PGD: variants seen among roughly 807,000 people sequenced by gnomAD.
PGD encodes phosphogluconate dehydrogenase.
In PGD, 21 loss-of-function variants were observed where a neutral mutation model predicts 60.4. That is an observed-to-expected ratio of 0.35 (90% CI 0.25 to 0.50). The LOEUF (loss-of-function observed/expected upper bound fraction) is 0.50, where lower values mean the gene tolerates loss of function less well. Ranked by LOEUF, PGD falls within the 20% of genes least tolerant of loss-of-function variation. The probability of loss-of-function intolerance (pLI) is 0.98; values close to 1 mark genes in which losing one functional copy is unlikely to be tolerated. For synonymous variants in PGD, 230 were observed against 235.9 expected (o/e 0.97, Z 0.23); for missense variants, 477 against 613.1 (o/e 0.78, Z 2.34).
At position 10,419,620 on chromosome 1, in the gene PGD, C is replaced by T. The variant is rs766737915; in HGVS notation, c.1333-10C>T. On this transcript the variant is annotated splice_polypyrimidine_tract_variant and intron_variant, in intron 12 of 12. Transcript: ENST00000270776. Reference sequence around the variant, plus strand: ...GACTGTCCTGACCAACCTACTCTCTCGTTTCCTAGGCTCAGCGGGATTACT... The same window carrying T: ...GACTGTCCTGACCAACCTACTCTCTTGTTTCCTAGGCTCAGCGGGATTACT... 1.1e-5 allele frequency: 17 copies of T among 1,614,018 alleles called. No homozygotes were observed. The South Asian group carries it at 1.9e-4, about 18-fold the overall frequency.
chr1:10,402,802 C>T (rs565959479), intron 3 of PGD, among the ~76,000 whole-genome samples: 64 of 151,956 alleles, frequency 4.2e-4, no homozygotes, highest in Non-Finnish European at 6.0e-4. Flanking sequence ...GGATAACAGG[C>T]GTGAGCCACC....
intron 6 of PGD, among the ~76,000 whole-genome samples, chr1:10,409,660 T>TTTTTTC (rs1236439170): frequency 2.1e-5 from 3 of 141,402 alleles, no homozygotes; most frequent in African/African-American, 8.0e-5. Context: ...TTTTTTTTTT[T>TTTTTTC]TTTTTTTTTT....
chr1:10,406,956 A>G (rs1051898510), intron 5 of PGD, among the ~76,000 whole-genome samples: 1 of 152,214 alleles, frequency 6.6e-6, no homozygotes, highest in Non-Finnish European at 1.5e-5. Flanking sequence ...TTAAAAGAGG[A>G]TCTCTAAAGG....
At chr1:10,412,796 CAG>C in intron 7 of PGD, 2 of 392,314 alleles carry the variant, frequency 5.1e-6, no homozygotes. Flanking sequence ...CGACACTGCA[CAG>C]AGACCTAAGT....
intron 7 of PGD, 90 bp downstream of exon 7, chr1:10,411,642 T>TGGCCATTC: frequency 6.6e-7 from 1 of 1,508,706 alleles, no homozygotes; most frequent in Non-Finnish European, 9.1e-7. Flanking sequence ...CCTATCCCCT[T>TGGCCATTC]GGCCATTCGG....
rs1639641251 is a variant in PGD, at chr1:10,418,866, C to A, written c.1150C>A (p.Pro384Thr). 1 of 1,612,182 alleles carries A rather than the reference C, an allele frequency of 6.2e-7. No individual in the cohort carries two copies. Among genetic ancestry groups the A allele is most frequent in the Admixed American group, 1.7e-5 (1 of 59,990 alleles). ...GKIKDAFDRN[P>T]ELQNLLLDDF... ...GATAAAGGATGCATTTGATCGAAACCCGGAACTTCAGAACCTCCTACTGGA... is the reference window on the plus strand; with the variant it reads ...GATAAAGGATGCATTTGATCGAAACACGGAACTTCAGAACCTCCTACTGGA... Residue 384 changes from proline to threonine, a missense_variant, in exon 11 of 13, where the codon CCG becomes ACG. Physicochemically the swap from Pro to Thr is conservative, Grantham distance 38. Transcript: ENST00000270776.
intron 6 of PGD, 145 bp downstream of exon 6, chr1:10,408,285 G>A (rs914471037): frequency 9.2e-6 from 6 of 655,184 alleles, no homozygotes; most frequent in Admixed American, 2.4e-5. Context: ...AATAGCCAAC[G>A]CCTAGAATGC....
chr1:10,412,215 A>G (rs1639511541), intron 7 of PGD, among the ~76,000 whole-genome samples: 1 of 152,218 alleles, frequency 6.6e-6, no homozygotes, highest in African/African-American at 2.4e-5. Flanking sequence ...TTAACTGAAA[A>G]CATAGGAAAG....
Position 10,417,131 on chromosome 1 carries a change from C to G in PGD, c.975+14C>G, listed in dbSNP as rs1452564147. 3 of 1,613,490 alleles carry G rather than the reference C, an allele frequency of 1.9e-6. No individual in the cohort carries two copies. The highest frequency in any genetic ancestry group is 2.7e-5 in the African/African-American group (2 of 74,878). ...GACATTCGGAAGGTGGGACACAGTC[C>G]CTGGCAGTGGTCTTTGTTGGTCCTG... is the stretch of plus-strand genomic sequence containing the variant. On this transcript the variant is annotated intron_variant, in intron 9 of 12. Coordinates refer to ENST00000270776, the MANE Select transcript of PGD (RefSeq NM_002631.4).
intron 5 of PGD, among the ~76,000 whole-genome samples, chr1:10,407,672 G>A (rs1449481540): frequency 6.6e-6 from 1 of 152,114 alleles, no homozygotes; most frequent in Non-Finnish European, 1.5e-5. Context: ...GCCCAGTGCG[G>A]TGGTGGCTTA....
intron 10 of PGD, among the ~76,000 whole-genome samples, chr1:10,417,859 G>A (rs1442365698): frequency 3.9e-5 from 6 of 152,102 alleles, no homozygotes; most frequent in African/African-American, 1.2e-4. Flanking sequence ...ACAAGGGCAC[G>A]CCACCATGTC....
intron 6 of PGD, 39 bp downstream of exon 6, chr1:10,408,179 T>G: frequency 1.7e-6 from 2 of 1,160,294 alleles, no homozygotes; most frequent in African/African-American, 1.5e-5. Context: ...ATTGGCAACA[T>G]GGGCGTGTCT....
At chr1:10,399,224 G>C in intron 1 of PGD, 99 bp downstream of exon 1, 1 of 1,404,128 alleles carries the variant, frequency 7.1e-7, no homozygotes, top group Non-Finnish European at 9.8e-7. Flanking sequence ...CTCCCACCCT[G>C]GGGGTCGCCT....
At position 10,399,075 on chromosome 1, in the gene PGD, C is replaced by T. The variant is rs757398541; in HGVS notation, c.-43C>T. 39 of 1,608,608 alleles carry T rather than the reference C, an allele frequency of 2.4e-5. No homozygotes were observed. The highest frequency in any genetic ancestry group is 5.5e-5 in the South Asian group (5 of 90,990). On this transcript the variant is annotated 5_prime_UTR_variant, in exon 1 of 13. Transcript: ENST00000270776. ...CGCTGCGGGTCTTTCCCTCACTCGT[C>T]CTCCGCGCGTCGCCGCTCTTCGGTT...
intron 8 of PGD, among the ~76,000 whole-genome samples, chr1:10,414,038 A>G (rs946621415): frequency 1.3e-5 from 2 of 152,234 alleles, no homozygotes; most frequent in Admixed American, 6.5e-5. Flanking sequence ...CCTGGGCAAC[A>G]GAATGAGACT....
chr1:10,409,314 C>T (rs1639458026), intron 6 of PGD, among the ~76,000 whole-genome samples: 1 of 152,146 alleles, frequency 6.6e-6, no homozygotes, highest in African/African-American at 2.4e-5. Context: ...TACCTTTTCA[C>T]CAGTGGTTGG....
rs1639671524 is a variant in PGD at position 10,420,306 on chromosome 1, G to A, written c.*557G>A. Among the ~76,000 whole-genome samples, 1 of 151,836 alleles carries A rather than the reference G, an allele frequency of 6.6e-6. No individual in the cohort carries two copies. The highest frequency in any genetic ancestry group is 2.4e-5 in the African/African-American group (1 of 41,320). On this transcript the variant is annotated 3_prime_UTR_variant, in exon 13 of 13. Coordinates refer to ENST00000270776, the MANE Select transcript of PGD (RefSeq NM_002631.4). ...GGCAGGCAGGGAGGACACACCAGGG[G>A]CTTTAATACACTGGGCATGTTTTCT...
chr1:10,399,416 G>A (rs3737154), intron 1 of PGD: 15,949 of 460,428 alleles, frequency 0.035, 373 homozygotes, highest in East Asian at 0.087. Context: ...TGCGGGACGC[G>A]TGCCAGCGGG....
intron 10 of PGD, among the ~76,000 whole-genome samples, chr1:10,417,768 G>A (rs117270389): frequency 6.6e-6 from 1 of 152,176 alleles, no homozygotes; most frequent in South Asian, 2.1e-4. Flanking sequence ...GGAGTGCCAT[G>A]ATGCGATCTT....
Sources: gnomAD v4.1 joint callset for allele counts (sites outside exome capture counted in the v4.1 genomes callset) on GRCh38, gnomAD v4.1.1 for gene constraint, MANE v1.5 for transcripts, NCBI Gene and HGNC (gene_info 2026-07-23, HGNC 2026-07-21) for gene names.